Variants in OAS2 observed in about 807,000 individuals in gnomAD.
OAS2 encodes 2'-5'-oligoadenylate synthase 2.
Under a neutral mutation model 71.3 loss-of-function variants are expected in OAS2, and 67 were observed. The observed-to-expected ratio is 0.94, with a 90% CI of 0.77 to 1.15. The LOEUF (loss-of-function observed/expected upper bound fraction) is 1.15. Among genes scored for constraint, OAS2 ranks in the 50% most tolerant of loss-of-function variants. OAS2 has a pLI of 0.00. For synonymous variants in OAS2, 327 were observed against 321.8 expected (o/e 1.02, Z -0.17); for missense variants, 789 against 822.5 (o/e 0.96, Z 0.50).
At position 113,007,701 on chromosome 12, in the gene OAS2, C is replaced by T. The variant is rs1247049551; in HGVS notation, c.1657-4C>T. 5 of 1,611,464 alleles carry T rather than the reference C, an allele frequency of 3.1e-6. No homozygotes were observed. The highest frequency in any genetic ancestry group is 4.2e-6 in the Non-Finnish European group (5 of 1,177,862). Reference sequence around the variant, plus strand: ...GTTCGTCTGATGTTCCCACTCTTACCTAGTGTGAAAGGAAACTGAAGCCAA... The same window carrying T: ...GTTCGTCTGATGTTCCCACTCTTACTTAGTGTGAAAGGAAACTGAAGCCAA... On this transcript the variant is annotated splice_polypyrimidine_tract_variant and splice_region_variant and intron_variant, in intron 8 of 9. Coordinates refer to ENST00000392583, the MANE Select transcript of OAS2 (RefSeq NM_002535.3).
intron 1 of OAS2, among the ~76,000 whole-genome samples, chr12:112,982,020 T>C (rs549817377): frequency 1.3e-5 from 2 of 152,310 alleles, no homozygotes; most frequent in South Asian, 4.1e-4. Context: ...TACTGATGTG[T>C]AGAATATGTT....
At chr12:112,988,736 CCTT>C (rs1426079240) in intron 2 of OAS2, 82 of 985,180 alleles carry the variant, frequency 8.3e-5, no homozygotes, top group Admixed American at 1.2e-4. Context: ...GCGCATTCCT[CCTT>C]CTCCTTTCTG....
At chr12:112,993,058 A>C (rs921905200) in intron 2 of OAS2, among the ~76,000 whole-genome samples, 9 of 152,144 alleles carry the variant, frequency 5.9e-5, no homozygotes, top group East Asian at 1.9e-4. Context: ...AATTATTATA[A>C]GCTCCTTTTT....
Position 112,995,382 on chromosome 12 carries a change from G to A in OAS2, c.535G>A (p.Val179Ile). The A allele has an allele frequency of 1.2e-6, 2 of 1,614,112 alleles. No individual in the cohort carries two copies. The highest frequency in any genetic ancestry group is 1.7e-6 in the Non-Finnish European group (2 of 1,179,978). The change falls in exon 3 of 10, where the codon GTC becomes ATC. Residue 179 changes from valine (V) to isoleucine (I), a missense_variant. Physicochemically the swap from Val to Ile is conservative, Grantham distance 29. Transcript: ENST00000392583. ...KTNASPGEFA[V>I]CFTELQQKFF... ...AAATGCCAGTCCTGGTGAGTTTGCA[G>A]TCTGCTTCACTGAACTCCAGCAGAA...
chr12:113,007,921 C>T lies in OAS2; in HGVS notation c.1873C>T (p.Leu625=). ...FEDETVRKFL[L]SQLQKTRPVI... The stretch of plus-strand genomic sequence containing the variant: ...AGATGAGACCGTGAGGAAGTTTCTA[C>T]TGAGCCAGTTGCAGAAAACCAGGTG... The change falls in exon 9 of 10, where the codon CTG becomes TTG. Residue 625 remains leucine (L), a synonymous_variant. Transcript: ENST00000392583. 1.9e-6 allele frequency: 3 copies of T among 1,613,962 alleles called. No individual in the cohort carries two copies. Among genetic ancestry groups the T allele is most frequent in the South Asian group, 2.2e-5 (2 of 91,076 alleles).
In OAS2 at chr12:113,009,892, C is replaced by G. The variant is rs1475340872; in HGVS notation, c.*637C>G. ...ACCAAGATATACCTGATATATTCCA[C>G]CAGGATATCCTCCCTCCAGATATAC... On this transcript the variant is annotated 3_prime_UTR_variant, in exon 10 of 10. Coordinates refer to ENST00000392583, the MANE Select transcript of OAS2 (RefSeq NM_002535.3). 1.0e-6 allele frequency: 1 copy of G among 986,858 alleles called. No individual in the cohort carries two copies. The highest frequency in any genetic ancestry group is 1.2e-6 in the Non-Finnish European group (1 of 831,132). 61.1% of individuals were successfully genotyped at this position (986,858 alleles called of 1,614,324 possible). A position where few individuals can be genotyped will look rare whatever the true frequency, so the allele number is the denominator to read the frequency against.
intron 3 of OAS2, 56 bp from the exon 4 acceptor site, chr12:112,997,464 T>A: frequency 6.9e-7 from 1 of 1,459,790 alleles, no homozygotes. Flanking sequence ...TTCAGATCCC[T>A]GACATGGTAA....
At position 113,009,324 on chromosome 12, in the gene OAS2, T is replaced by C; in HGVS notation, c.*69T>C. On this transcript the variant is annotated 3_prime_UTR_variant, in exon 10 of 10. Coordinates refer to ENST00000392583, the MANE Select transcript of OAS2 (RefSeq NM_002535.3). ...AAGAACTTCTCCTACTGTAGCAACC[T>C]GAAATTAACTCAGACACAAATAAAG... 6.4e-7 allele frequency: 1 copy of C among 1,565,842 alleles called. No homozygotes were observed. Among genetic ancestry groups the C allele is most frequent in the East Asian group, 2.2e-5 (1 of 44,520 alleles).
chr12:112,995,452 T>C lies in OAS2; in HGVS notation c.605T>C (p.Leu202Ser). ...RPGKLKDLIL[L>S]IKHWHQQCQK... ...GGAAAACTAAAGGATTTGATCCTCT[T>C]GATAAAGCACTGGCATCAACAGGTA... The change falls in exon 3 of 10, where the codon TTG becomes TCG. Residue 202 changes from leucine to serine, a missense_variant. By Grantham distance (145) the Leu-to-Ser change is moderately radical. Coordinates refer to ENST00000392583, the MANE Select transcript of OAS2 (RefSeq NM_002535.3). 1 of 1,613,898 alleles carries C rather than the reference T, an allele frequency of 6.2e-7. No individual in the cohort carries two copies. The highest frequency in any genetic ancestry group is 1.1e-5 in the South Asian group (1 of 90,994).
chr12:113,009,201 G>A lies in OAS2; in HGVS notation c.2010G>A (p.Lys670=), dbSNP rs778347607. Residue 670 remains lysine, a synonymous_variant, in exon 10 of 10, where the codon AAG becomes AAA. Transcript: ENST00000392583. The part of the protein sequence containing the change: ...AKEWLSSPCF[K]DGTGNPIPPW... ...AATGGTTATCCTCTCCCTGCTTCAA[G>A]GATGGGACTGGAAACCCAATACCAC... The A allele has an allele frequency of 6.2e-7, 1 of 1,614,126 alleles. No homozygotes were observed. Among genetic ancestry groups the A allele is most frequent in the African/African-American group, 1.3e-5 (1 of 75,030 alleles).
intron 1 of OAS2, among the ~76,000 whole-genome samples, chr12:112,985,963 C>A (rs2044130845): frequency 6.6e-6 from 1 of 152,104 alleles, no homozygotes; most frequent in Non-Finnish European, 1.5e-5. Context: ...CAGAGCAAGA[C>A]CCTGTCTCTA....
At position 113,005,102 on chromosome 12, in the gene OAS2, C is replaced by T; in HGVS notation, c.1348C>T (p.Leu450Phe). The T allele has an allele frequency of 6.2e-7, 1 of 1,614,140 alleles. No individual in the cohort carries two copies. The highest frequency in any genetic ancestry group is 8.5e-7 in the Non-Finnish European group (1 of 1,179,994). ...CTTTTGGAGGGAGAAGGAGGAGGAG[C>T]TTGAAGTCAGCTTTGAGCCTCCCAA... Reference protein sequence around the residue: ...KAFWREKEEELEVSFEPPKWK... With the variant: ...KAFWREKEEEFEVSFEPPKWK... The change falls in exon 7 of 10, where the codon CTT becomes TTT. Residue 450 changes from leucine to phenylalanine, a missense_variant. Coordinates refer to ENST00000392583, the MANE Select transcript of OAS2 (RefSeq NM_002535.3).
chr12:112,978,914 T>G lies in OAS2; in HGVS notation c.177+129T>G, dbSNP rs2136372428. On this transcript the variant is annotated intron_variant, in intron 1 of 9. Transcript: ENST00000392583. The surrounding 1 kb of genome is among the most constrained non-coding windows in gnomAD (Gnocchi z 4.2). The stretch of plus-strand genomic sequence containing the variant: ...ACTTGGGTGGGATGTGGTGTAGGAG[T>G]CTCAGGCTCTGGAGCAGGCGCTTGC... 1.2e-6 allele frequency: 1 copy of G among 859,230 alleles called. No homozygotes were observed. Among genetic ancestry groups the G allele is most frequent in the South Asian group, 1.9e-5 (1 of 53,226 alleles). The allele number at this position is 859,230 out of a possible 1,614,324, so 53.2% of individuals were successfully genotyped here. A position where few individuals can be genotyped will look rare whatever the true frequency, so the allele number is the denominator to read the frequency against.
chr12:113,007,614 C>T, intron 8 of OAS2, 91 bp from the exon 9 acceptor site: 1 of 1,028,292 alleles, frequency 9.7e-7, no homozygotes, highest in African/African-American at 1.6e-5. Context: ...CAGCACGACA[C>T]TGTGACTCAG....
intron 2 of OAS2, among the ~76,000 whole-genome samples, chr12:112,990,062 C>T (rs2136381865): frequency 6.6e-6 from 1 of 152,322 alleles, no homozygotes; most frequent in African/African-American, 2.4e-5. Context: ...AGCTGGTGCT[C>T]TCTTTCCATG....
At chr12:113,000,006 A>G (rs1028664838) in intron 5 of OAS2, among the ~76,000 whole-genome samples, 4 of 151,996 alleles carry the variant, frequency 2.6e-5, no homozygotes, top group Non-Finnish European at 4.4e-5. Context: ...TGGCCTCCCA[A>G]AGCTCTGGGA....
chr12:113,005,030 A>T lies in OAS2; in HGVS notation c.1276A>T (p.Asn426Tyr). 6.2e-7 allele frequency: 1 copy of T among 1,614,172 alleles called. No homozygotes were observed. The highest frequency in any genetic ancestry group is 8.5e-7 in the Non-Finnish European group (1 of 1,180,004). Residue 426 changes from asparagine to tyrosine, a missense_variant, in exon 7 of 10, where the codon AAC becomes TAC. By Grantham distance (143) the Asn-to-Tyr change is moderately radical. Coordinates refer to ENST00000392583, the MANE Select transcript of OAS2 (RefSeq NM_002535.3). The part of the protein sequence containing the change: ...NSLKSYTSQK[N>Y]ERHKIVKEIH... ...ACTTAAAAGCTACACCTCCCAAAAA[A>T]ACGAGCGGCACAAAATCGTCAAGGA...
intron 5 of OAS2, among the ~76,000 whole-genome samples, 167 bp from the exon 6 acceptor site, chr12:113,002,765 G>A (rs184906370): frequency 1.3e-5 from 2 of 152,304 alleles, no homozygotes; most frequent in Admixed American, 6.5e-5. Flanking sequence ...TCTCAGGTGT[G>A]TTCTTGGGAT....
intron 8 of OAS2, 96 bp from the exon 9 acceptor site, chr12:113,007,609 C>G: frequency 1.0e-6 from 1 of 979,952 alleles, no homozygotes; most frequent in South Asian, 1.5e-5. Flanking sequence ...CACACCAGCA[C>G]GACACTGTGA....
Sources: gnomAD v4.1 joint callset for allele counts (sites outside exome capture counted in the v4.1 genomes callset) on GRCh38, gnomAD v4.1.1 for gene constraint, Gnocchi (gnomAD v3.1) non-coding constraint, MANE v1.5 for transcripts, NCBI Gene and HGNC (gene_info 2026-07-23, HGNC 2026-07-21) for gene names.